PKD1L3: variants seen among roughly 807,000 people sequenced by gnomAD.
PKD1L3 encodes the protein polycystin-1-like protein 3.
A neutral mutation model predicts 184.1 loss-of-function variants in PKD1L3; 239 were observed. That is an observed-to-expected ratio of 1.30 (90% CI 1.17 to 1.45). The LOEUF is 1.45. PKD1L3 is among the 40% of genes most tolerant of loss of function. The probability of loss-of-function intolerance (pLI) is 0.00; values close to 1 mark genes in which losing one functional copy is unlikely to be tolerated. For synonymous variants in PKD1L3, 996 were observed against 778.8 expected (o/e 1.28, Z -4.64); for missense variants, 2,660 against 2,067.2 (o/e 1.29, Z -5.56).
intron 23 of PKD1L3, 115 bp from the exon 24 acceptor site, chr16:71,943,139 C>G (rs1288976119): frequency 1.5e-5 from 11 of 756,592 alleles, no homozygotes; most frequent in Non-Finnish European, 2.3e-5. Context: ...CAGTCAAAAA[C>G]TGGCTGTTTC....
intron 18 of PKD1L3, 79 bp from the exon 19 acceptor site, chr16:71,951,823 C>A (rs766686455): frequency 2.3e-6 from 3 of 1,288,412 alleles, no homozygotes; most frequent in African/African-American, 3.0e-5. Flanking sequence ...GTGGTAAGGC[C>A]GTTCCCTTTC....
chr16:71,964,309 C>CTTTTTTTTTTTT (rs772995457), intron 15 of PKD1L3, among the ~76,000 whole-genome samples: 1 of 56,592 alleles, frequency 1.8e-5, no homozygotes, highest in African/African-American at 7.2e-5. Context: ...TCGTCAAAAT[C>CTTTTTTTTTTTT]TTTTTTTTTT....
chr16:71,978,746 G>C (rs1218182168), intron 9 of PKD1L3, among the ~76,000 whole-genome samples: 2 of 151,566 alleles, frequency 1.3e-5, no homozygotes, highest in Admixed American at 6.6e-5. Flanking sequence ...CGCTATGTTG[G>C]CCACGCTGGT....
chr16:71,958,180 G>T (rs916930973), intron 16 of PKD1L3, among the ~76,000 whole-genome samples: 1 of 151,726 alleles, frequency 6.6e-6, no homozygotes, highest in Non-Finnish European at 1.5e-5. Context: ...GAGGTCAGGA[G>T]ATCGAGACCA....
intron 4 of PKD1L3, among the ~76,000 whole-genome samples, chr16:71,988,833 A>C (rs2040479418): frequency 6.6e-6 from 1 of 152,216 alleles, no homozygotes; most frequent in South Asian, 2.1e-4. Flanking sequence ...TCCTATGCTG[A>C]ATTGGACAAA....
intron 13 of PKD1L3, among the ~76,000 whole-genome samples, chr16:71,968,958 T>C (rs1259261945): frequency 6.6e-6 from 1 of 151,018 alleles, no homozygotes; most frequent in African/African-American, 2.4e-5. Context: ...AGAATCTCAC[T>C]CTGTCGGCCA....
intron 25 of PKD1L3, among the ~76,000 whole-genome samples, chr16:71,936,531 T>C (rs1304716239): frequency 6.6e-6 from 1 of 150,454 alleles, no homozygotes; most frequent in Admixed American, 6.6e-5. Flanking sequence ...TTTTTTTTTT[T>C]TTTTTGAGAT....
rs1679083234 is a variant in PKD1L3, at chr16:71,979,821, C to A, written c.1363G>T (p.Glu455Ter). The change falls in exon 9 of 30, where the codon GAG becomes TAG. Residue 455 changes from glutamate to a stop codon, truncating the protein, a stop_gained. Coordinates refer to ENST00000620267, the MANE Select transcript of PKD1L3 (RefSeq NM_181536.2). LOFTEE classifies it high-confidence loss of function. ...LGFPSALALK[E>*]LLNKHPGVNV... is the part of the protein sequence containing the mutation. ...ACTCCTGGATGTTTATTCAAGAGCT[C>A]CTTCAAAGCTAAAGCCGACGGAAAG... is the stretch of plus-strand genomic sequence containing the variant. The A allele has an allele frequency of 6.6e-7, 1 of 1,514,388 alleles. No homozygotes were observed. Among genetic ancestry groups the A allele is most frequent in the South Asian group, 1.3e-5 (1 of 77,486 alleles). 93.8% of individuals were successfully genotyped at this position (1,514,388 alleles called of 1,614,324 possible).
rs1300454105 is a variant in PKD1L3, at chr16:71,951,721, G to C, written c.3033C>G (p.Phe1011Leu). ...GTAGGTATGTATTTCTCCTGAGCAGGAATCTCACAGTTTCCTTTAATTCCT... is the reference window on the plus strand; with the variant it reads ...GTAGGTATGTATTTCTCCTGAGCAGCAATCTCACAGTTTCCTTTAATTCCT... ...VVEELKETVR[F>L]LLRRNTYLLS... The change falls in exon 19 of 30, where the codon TTC becomes TTG. Residue 1011 changes from phenylalanine to leucine, a missense_variant. By Grantham distance (22) the Phe-to-Leu change is conservative (BLOSUM62 0). Transcript: ENST00000620267. The C allele has an allele frequency of 5.2e-6, 8 of 1,549,508 alleles. No individual in the cohort carries two copies. Among genetic ancestry groups the C allele is most frequent in the Middle Eastern group, 1.7e-4 (1 of 5,978 alleles).
chr16:71,943,884 CT>C (rs2038457838), intron 23 of PKD1L3, 145 bp downstream of exon 23: 4 of 990,136 alleles, frequency 4.0e-6, no homozygotes, highest in Non-Finnish European at 5.9e-6. Flanking sequence ...ATCCCACCTG[CT>C]TTACTGGAAT....
At chr16:71,966,723 C>T (rs574903680) in intron 15 of PKD1L3, among the ~76,000 whole-genome samples, 83 of 152,184 alleles carry the variant, frequency 5.5e-4, no homozygotes, top group South Asian at 2.3e-3. Flanking sequence ...TGAGCTGCTG[C>T]GCCCTGCCCT....
chr16:71,971,612 A>G (rs1425749492), intron 12 of PKD1L3, among the ~76,000 whole-genome samples: 1 of 152,214 alleles, frequency 6.6e-6, no homozygotes, highest in Admixed American at 6.5e-5. Context: ...AAAAGCTCTC[A>G]AGCTTCTCTA....
chr16:71,930,377 G>T, intron 28 of PKD1L3, 194 bp from the exon 29 acceptor site: 1 of 465,588 alleles, frequency 2.1e-6, no homozygotes, highest in South Asian at 7.9e-5. Context: ...TCATTTTAAG[G>T]AGGTTAAGAT....
At position 71,978,260 on chromosome 16, in the gene PKD1L3, T is replaced by A. The variant is rs1244016269; in HGVS notation, c.1522A>T (p.Ile508Phe). The A allele has an allele frequency of 1.9e-6, 3 of 1,549,350 alleles. No individual in the cohort carries two copies. Among genetic ancestry groups the A allele is most frequent in the South Asian group, 2.4e-5 (2 of 84,014 alleles). Residue 508 changes from isoleucine (I) to phenylalanine (F), a missense_variant, in exon 10 of 30, where the codon ATT becomes TTT. Physicochemically the swap from Ile to Phe is conservative, Grantham distance 21. Transcript: ENST00000620267. ...LLQVHDLMED[I>F]EIMLWRNVSL... ...CCCTAAGAATCAGTTCCTACCTCAA[T>A]GTCCTCCATTAAATCATGGACTTGG...
intron 14 of PKD1L3, 143 bp from the exon 15 acceptor site, chr16:71,967,458 T>C: frequency 2.4e-6 from 2 of 847,514 alleles, no homozygotes; most frequent in Non-Finnish European, 3.5e-6. Flanking sequence ...ATTCTTCATA[T>C]ATGCAGTATA....
chr16:71,935,483 G>A lies in PKD1L3; in HGVS notation c.4488C>T (p.Phe1496=), dbSNP rs1025949392. Residue 1496 remains phenylalanine, a synonymous_variant, in exon 26 of 30, where the codon TTC becomes TTT. Transcript: ENST00000620267. ...CQLKQQKWRF[F]TGKRNILDTS... ...TGTCCAGAATGTTTCTTTTCCCAGTGAAGAACCTCCACTTCTGCTGTTTCA... is the reference window on the plus strand; with the variant it reads ...TGTCCAGAATGTTTCTTTTCCCAGTAAAGAACCTCCACTTCTGCTGTTTCA... 2 of 1,552,050 alleles carry A rather than the reference G, an allele frequency of 1.3e-6. No individual in the cohort carries two copies. The highest frequency in any genetic ancestry group is 3.9e-5 in the Admixed American group (2 of 50,978).
At chr16:71,976,514 C>G (rs2039930931) in intron 11 of PKD1L3, among the ~76,000 whole-genome samples, 1 of 152,072 alleles carries the variant, frequency 6.6e-6, no homozygotes. Context: ...GCCTCAGCCT[C>G]CCAAAGTGCT....
At position 71,959,388 on chromosome 16, in the gene PKD1L3, C is replaced by A. The variant is rs538229514; in HGVS notation, c.2612+3817G>T. Among the ~76,000 whole-genome samples, 409 of 152,048 alleles carry A rather than the reference C, an allele frequency of 2.7e-3. 1 individual carries two copies. The highest frequency in any genetic ancestry group is 9.6e-3 in the African/African-American group (396 of 41,446). ...TCGTGCCATTGTACTCCAGCCTGGG[C>A]AACAAGAGCAAAAATCCGTCTCAAA... On this transcript the variant is annotated intron_variant, in intron 16 of 29. Transcript: ENST00000620267.
chr16:71,983,200 G>A (rs1438860716), intron 6 of PKD1L3, among the ~76,000 whole-genome samples: 1 of 152,154 alleles, frequency 6.6e-6, no homozygotes, highest in Admixed American at 6.5e-5. Context: ...AGGCTGGAGT[G>A]CAGTGGCAGA....
Sources: allele counts gnomAD v4.1 joint callset (sites outside exome capture counted in the v4.1 genomes callset), GRCh38; gene constraint gnomAD v4.1.1; transcripts MANE v1.5; gene names NCBI Gene and HGNC (gene_info 2026-07-23, HGNC 2026-07-21).